TENM3: variants seen among roughly 807,000 people sequenced by gnomAD.
TENM3 encodes teneurin-3.
In TENM3, 63 loss-of-function variants were observed where a neutral mutation model predicts 255.1. The ratio of observed to expected loss-of-function variants is 0.25; its 90% CI spans 0.20 to 0.30. TENM3 has a LOEUF of 0.30. Ranked by LOEUF, TENM3 falls within the 10% of genes least tolerant of loss-of-function variation. The pLI, the probability that TENM3 is intolerant of heterozygous loss-of-function variation, is 1.00. For missense variants in TENM3, 2,929 were observed against 3,461.1 expected (o/e 0.85, Z 3.86); for synonymous variants, 1,306 against 1,322.3 (o/e 0.99, Z 0.27).
At chr4:182,153,316 A>T (rs1750472066) in intron 1 of TENM3, among the ~76,000 whole-genome samples, 1 of 152,084 alleles carries the variant, frequency 6.6e-6, no homozygotes, top group Non-Finnish European at 1.5e-5. Context: ...ATCCATACAG[A>T]TAACAAAAAA....
intron 3 of TENM3, among the ~76,000 whole-genome samples, chr4:182,588,755 T>TA (rs1257444575): frequency 6.6e-6 from 1 of 152,214 alleles, no homozygotes; most frequent in East Asian, 1.9e-4. Flanking sequence ...TAGAAATGAT[T>TA]ATGCAAAACT....
intron 1 of TENM3, among the ~76,000 whole-genome samples, chr4:182,282,763 C>T (rs545382451): frequency 2.5e-4 from 38 of 151,958 alleles, no homozygotes; most frequent in South Asian, 1.7e-3. Context: ...TGTGGTGGCA[C>T]GCGCCTGTAA....
intron 3 of TENM3, among the ~76,000 whole-genome samples, chr4:182,371,447 C>G (rs934755961): frequency 1.2e-4 from 18 of 152,202 alleles, no homozygotes; most frequent in African/African-American, 4.1e-4. Context: ...GTTCTGTGAC[C>G]CTTTTCTTCA....
the TENM3 span, among the ~76,000 whole-genome samples, chr4:181,758,618 G>T: frequency 1.3e-5 from 2 of 152,158 alleles, no homozygotes; most frequent in Admixed American, 1.3e-4. Context: ...TTACGGAACA[G>T]AATAGATTAA....
the TENM3 span, among the ~76,000 whole-genome samples, chr4:181,620,643 A>G: frequency 8.6e-5 from 13 of 151,650 alleles, no homozygotes; most frequent in Middle Eastern, 3.4e-3. Context: ...GTGAGGAGAA[A>G]AGATTCTCAC....
intron 1 of TENM3, among the ~76,000 whole-genome samples, chr4:182,149,192 A>G (rs1445613491): frequency 6.6e-6 from 1 of 152,004 alleles, no homozygotes; most frequent in African/African-American, 2.4e-5. Flanking sequence ...AGCTTAAGAC[A>G]TCCATTTAAA....
chr4:181,509,538 C>T, the TENM3 span, among the ~76,000 whole-genome samples: 8 of 152,122 alleles, frequency 5.3e-5, no homozygotes, highest in African/African-American at 1.4e-4. Flanking sequence ...GGTATGATCA[C>T]TACTGTTTAT....
At chr4:181,942,517 G>A in the TENM3 span, among the ~76,000 whole-genome samples, 1 of 152,182 alleles carries the variant, frequency 6.6e-6, no homozygotes, top group Non-Finnish European at 1.5e-5. Context: ...GACTTTCTTA[G>A]CCATCAGGGC....
the TENM3 span, among the ~76,000 whole-genome samples, chr4:182,052,813 C>CAT: frequency 0.092 from 14,000 of 152,074 alleles, 709 homozygotes; most frequent in East Asian, 0.16. Context: ...AATATAAACT[C>CAT]ATTTCTCCAC....
the TENM3 span, among the ~76,000 whole-genome samples, chr4:181,864,382 C>A: frequency 1.3e-5 from 2 of 151,974 alleles, no homozygotes; most frequent in South Asian, 2.1e-4. Context: ...ATTTTCACCC[C>A]GTCTACTTGG....
At chr4:182,779,935 A>C (rs1458195715) in intron 24 of TENM3, among the ~76,000 whole-genome samples, 1 of 151,400 alleles carries the variant, frequency 6.6e-6, no homozygotes, top group Non-Finnish European at 1.5e-5. Context: ...GTTTGAGTTC[A>C]TTGTAGATTC....
intron 3 of TENM3, among the ~76,000 whole-genome samples, chr4:182,572,177 C>T (rs1251785017): frequency 6.6e-6 from 1 of 152,234 alleles, no homozygotes; most frequent in African/African-American, 2.4e-5. Context: ...GCTGGGATTA[C>T]AGGCGTGAGC....
At chr4:182,390,653 C>T (rs1321720583) in intron 3 of TENM3, among the ~76,000 whole-genome samples, 1 of 152,192 alleles carries the variant, frequency 6.6e-6, no homozygotes, top group Non-Finnish European at 1.5e-5. Flanking sequence ...ACTCTCCTAC[C>T]GCAGTGCCTT....
intron 2 of TENM3, among the ~76,000 whole-genome samples, chr4:182,344,451 G>T (rs1764672813): frequency 6.6e-6 from 1 of 152,014 alleles, no homozygotes; most frequent in Non-Finnish European, 1.5e-5. Context: ...AATTCATAGG[G>T]ATGATGTGTT....
At chr4:182,043,162 A>T in the TENM3 span, among the ~76,000 whole-genome samples, 1 of 152,214 alleles carries the variant, frequency 6.6e-6, no homozygotes. Context: ...GCGTGCACAC[A>T]TACACATTCT....
chr4:181,635,542 G>A, the TENM3 span, among the ~76,000 whole-genome samples: 30 of 152,326 alleles, frequency 2.0e-4, no homozygotes, highest in South Asian at 1.0e-3. Flanking sequence ...CCACCATGCT[G>A]ATCCCCAGGA....
intron 3 of TENM3, among the ~76,000 whole-genome samples, chr4:182,495,164 C>G (rs1026551174): frequency 6.6e-5 from 10 of 152,284 alleles, no homozygotes; most frequent in Non-Finnish European, 1.5e-4. Flanking sequence ...CTCAGATGCG[C>G]GAGCTCTCTG....
intron 3 of TENM3, among the ~76,000 whole-genome samples, chr4:182,451,925 A>G (rs1773494286): frequency 1.3e-5 from 2 of 152,356 alleles, no homozygotes; most frequent in South Asian, 4.1e-4. Context: ...CTTTCTAGCA[A>G]TCCAGATGTA....
upstream of TENM3, among the ~76,000 whole-genome samples, chr4:182,240,565 G>A (rs983777321): frequency 6.6e-6 from 1 of 152,206 alleles, no homozygotes; most frequent in Non-Finnish European, 1.5e-5. Context: ...ATCTCAGAGT[G>A]AAAATGCCTG....
Sources: gnomAD v4.1 joint callset for allele counts (sites outside exome capture counted in the v4.1 genomes callset) on GRCh38, gnomAD v4.1.1 for gene constraint, MANE v1.5 for transcripts, NCBI Gene and HGNC (gene_info 2026-07-23, HGNC 2026-07-21) for gene names.